SLC24A3: variants seen among roughly 807,000 people sequenced by gnomAD.
The protein encoded by SLC24A3 is solute carrier family 24 member 3, also known as sodium/potassium/calcium exchanger 3.
A neutral mutation model predicts 75.8 loss-of-function variants in SLC24A3; 28 were observed. The observed-to-expected ratio is 0.37, with a 90% CI of 0.27 to 0.51. The LOEUF is 0.51. SLC24A3 is among the 20% of genes least tolerant of loss of function. The pLI, the probability that SLC24A3 is intolerant of heterozygous loss-of-function variation, is 0.94. For synonymous variants in SLC24A3, 372 were observed against 334.1 expected (o/e 1.11, Z -1.24); for missense variants, 663 against 847.8 (o/e 0.78, Z 2.71).
intron 9 of SLC24A3, among the ~76,000 whole-genome samples, chr20:19,679,029 A>C (rs1223594743): frequency 6.8e-6 from 1 of 147,448 alleles, no homozygotes; most frequent in Non-Finnish European, 1.5e-5. Context: ...CTGGGCAGCC[A>C]GGCAGAGGGG....
At chr20:19,410,973 G>C (rs1449810777) in intron 2 of SLC24A3, among the ~76,000 whole-genome samples, 2 of 152,338 alleles carry the variant, frequency 1.3e-5, no homozygotes, top group Admixed American at 1.3e-4. Context: ...TTGAGTTGAA[G>C]TCTAGGGAGA....
chr20:19,458,901 T>C (rs1987623064), intron 2 of SLC24A3, among the ~76,000 whole-genome samples: 1 of 152,224 alleles, frequency 6.6e-6, no homozygotes, highest in Non-Finnish European at 1.5e-5. Context: ...GTCCCTTACT[T>C]TGACGGACTT....
rs374028520 is a variant in SLC24A3 at position 19,489,369 on chromosome 20, TG to T, written c.272-26118del. Among the ~76,000 whole-genome samples, 410 of 152,298 alleles carry T rather than the reference TG, an allele frequency of 2.7e-3. 2 individuals are homozygous for T. The highest frequency in any genetic ancestry group is 9.3e-3 in the African/African-American group (385 of 41,550). On this transcript the variant is annotated intron_variant, in intron 2 of 16. Transcript: ENST00000328041. Reference sequence around the variant, plus strand: ...ATGGCAAGCATCTCATTTTATTGTGTGTTATTTTATTTTAATTAACATTGCA... The same window carrying T: ...ATGGCAAGCATCTCATTTTATTGTGTTTATTTTATTTTAATTAACATTGCA...
At chr20:19,386,846 C>T (rs6046042) in intron 2 of SLC24A3, among the ~76,000 whole-genome samples, 82,182 of 151,918 alleles carry the variant, frequency 0.54, 23,256 homozygotes, top group African/African-American at 0.7. Context: ...TGCATCTATG[C>T]TCATCAGATA....
At chr20:19,372,657 C>T (rs1196155052) in intron 2 of SLC24A3, among the ~76,000 whole-genome samples, 1 of 152,170 alleles carries the variant, frequency 6.6e-6, no homozygotes, top group South Asian at 2.1e-4. Flanking sequence ...AGAATCAAAT[C>T]CTGCTGGAGT....
At chr20:19,272,492 T>C (rs1360058642) in intron 1 of SLC24A3, among the ~76,000 whole-genome samples, 1 of 152,252 alleles carries the variant, frequency 6.6e-6, no homozygotes, top group East Asian at 1.9e-4. Context: ...TGCAGCATGC[T>C]GCCTGTCTCA....
intron 6 of SLC24A3, among the ~76,000 whole-genome samples, chr20:19,632,827 C>T (rs1350949987): frequency 2.0e-5 from 3 of 152,298 alleles, no homozygotes; most frequent in East Asian, 3.9e-4. Context: ...GTCTATTAAA[C>T]AATGCCAGGC....
chr20:19,542,926 C>A (rs1451641219), intron 3 of SLC24A3, among the ~76,000 whole-genome samples: 1 of 152,172 alleles, frequency 6.6e-6, no homozygotes, highest in Non-Finnish European at 1.5e-5. Context: ...TTACTACTGT[C>A]CCACAGATTC....
At chr20:19,480,761 C>T (rs1988039901) in intron 2 of SLC24A3, among the ~76,000 whole-genome samples, 1 of 152,186 alleles carries the variant, frequency 6.6e-6, no homozygotes, top group Non-Finnish European at 1.5e-5. Context: ...TCTGAGTCCC[C>T]TTGGCCAGTG....
intron 2 of SLC24A3, among the ~76,000 whole-genome samples, chr20:19,349,339 G>A (rs1030090415): frequency 6.6e-6 from 1 of 152,156 alleles, no homozygotes; most frequent in African/African-American, 2.4e-5. Context: ...AGACTAGGAG[G>A]ATTGGGTTGT....
chr20:19,675,135 G>T (rs528952050), intron 9 of SLC24A3, among the ~76,000 whole-genome samples: 1 of 152,162 alleles, frequency 6.6e-6, no homozygotes. Flanking sequence ...TAAGCCTGCT[G>T]GTTCATCTTT....
At chr20:19,676,021 C>G (rs1322744166) in intron 9 of SLC24A3, among the ~76,000 whole-genome samples, 1 of 152,238 alleles carries the variant, frequency 6.6e-6, no homozygotes, top group African/African-American at 2.4e-5. Context: ...AATCGCCACA[C>G]AGTGTCTGCT....
intron 2 of SLC24A3, 79 bp from the exon 3 acceptor site, chr20:19,515,409 T>G: frequency 7.3e-6 from 10 of 1,378,446 alleles, no homozygotes; most frequent in Non-Finnish European, 1.0e-5. Flanking sequence ...GACCCCATGT[T>G]AAAACCAAGA....
At chr20:19,587,300 T>C (rs1425896493) in intron 6 of SLC24A3, among the ~76,000 whole-genome samples, 1 of 152,228 alleles carries the variant, frequency 6.6e-6, no homozygotes, top group Non-Finnish European at 1.5e-5. Context: ...TGAAATGGCT[T>C]GGATGCATGT....
At chr20:19,229,144 T>G (rs1422701084) in intron 1 of SLC24A3, among the ~76,000 whole-genome samples, 2 of 150,182 alleles carry the variant, frequency 1.3e-5, no homozygotes, top group African/African-American at 4.9e-5. Flanking sequence ...ATTTTAGAAA[T>G]GAACAAAATT....
chr20:19,676,537 A>G (rs902802785), intron 9 of SLC24A3, among the ~76,000 whole-genome samples: 3 of 152,254 alleles, frequency 2.0e-5, no homozygotes, highest in Non-Finnish European at 4.4e-5. Context: ...ATAAAATTGC[A>G]TGCTTCACAA....
chr20:19,291,477 A>G (rs1039654605), intron 2 of SLC24A3, among the ~76,000 whole-genome samples: 1 of 152,206 alleles, frequency 6.6e-6, no homozygotes, highest in African/African-American at 2.4e-5. Flanking sequence ...AGTAGGTTCC[A>G]CTGAGGCCCA....
intron 3 of SLC24A3, among the ~76,000 whole-genome samples, chr20:19,543,737 G>T (rs1340797990): frequency 6.6e-6 from 1 of 152,204 alleles, no homozygotes; most frequent in Non-Finnish European, 1.5e-5. Flanking sequence ...GTATATACTG[G>T]TTGAATTGCT....
At chr20:19,560,289 A>G (rs2030855279) in intron 3 of SLC24A3, among the ~76,000 whole-genome samples, 1 of 152,216 alleles carries the variant, frequency 6.6e-6, no homozygotes. Flanking sequence ...AATCGTCCCA[A>G]GGAGGGTGGA....
Sources: allele counts gnomAD v4.1 joint callset (sites outside exome capture counted in the v4.1 genomes callset), GRCh38; gene constraint gnomAD v4.1.1; transcripts MANE v1.5; gene names NCBI Gene and HGNC (gene_info 2026-07-23, HGNC 2026-07-21).